The following URI1 variants were observed in gnomAD, a reference collection of about 807,000 sequenced individuals.
URI1 encodes unconventional prefoldin RPB5 interactor 1.
In URI1, 39 loss-of-function variants were observed where a neutral mutation model predicts 60.2. The observed-to-expected ratio is 0.65, with a 90% CI of 0.50 to 0.85. The LOEUF is 0.85. Among genes scored for constraint, URI1 ranks in the 40% least tolerant of loss-of-function variants. The probability of loss-of-function intolerance (pLI) is 0.00; values close to 1 mark genes in which losing one functional copy is unlikely to be tolerated. For missense variants in URI1, 691 were observed against 665.9 expected, an observed-to-expected ratio of 1.04 and a Z score of -0.42; for synonymous variants, 251 against 236.8, an observed-to-expected ratio of 1.06 and a Z score of -0.55.
intron 7 of URI1, among the ~76,000 whole-genome samples, chr19:30,008,731 A>G (rs1354058550): frequency 6.6e-6 from 1 of 152,068 alleles, no homozygotes; most frequent in Non-Finnish European, 1.5e-5. Context: ...TACTATATTT[A>G]TATTGCATAT....
rs372570221 is a variant in URI1 at position 29,986,746 on chromosome 19, A to G, written c.367+329A>G. On this transcript the variant is annotated intron_variant, in intron 4 of 10. Coordinates refer to ENST00000392271, the MANE Select transcript of URI1 (RefSeq NM_003796.3). ...ACCTTATAATTTTTTTTTAGTTGCT[A>G]TTATAGACTTATTTTTGCACTTAAT... is the stretch of plus-strand genomic sequence containing the variant. 7.4e-4 allele frequency among the ~76,000 whole-genome samples: 112 copies of G among 152,270 alleles called. No homozygotes were observed. The South Asian group carries it at 0.021, about 29-fold the overall frequency.
chr19:30,011,368 C>G (rs983411470), intron 9 of URI1, 132 bp downstream of exon 9: 6 of 1,190,240 alleles, frequency 5.0e-6, no homozygotes, highest in Non-Finnish European at 6.6e-6. Flanking sequence ...GAGGAGTTAA[C>G]TTAGGATCTG....
At position 29,958,409 on chromosome 19, in the gene URI1, T is replaced by C. The variant is rs77319809; in HGVS notation, c.118-12784T>C. On this transcript the variant is annotated intron_variant, in intron 1 of 10. Transcript: ENST00000392271. ...TAAGGACATTTTCTCCTGTTGCTAA[T>C]TTTATCATTAATGGATGCTGAATTT... Among the ~76,000 whole-genome samples, 514 of 152,330 alleles carry C rather than the reference T, an allele frequency of 3.4e-3. 5 individuals carry two copies. The highest frequency in any genetic ancestry group is 0.012 in the African/African-American group (499 of 41,572).
chr19:29,937,350 T>G (rs1177968505), upstream of URI1, among the ~76,000 whole-genome samples: 2 of 152,252 alleles, frequency 1.3e-5, no homozygotes, highest in Admixed American at 1.3e-4. Flanking sequence ...GTTTCCAATG[T>G]AAAGGCTTCC....
At chr19:29,997,156 G>A (rs963249119) in intron 4 of URI1, among the ~76,000 whole-genome samples, 3 of 152,046 alleles carry the variant, frequency 2.0e-5, no homozygotes, top group African/African-American at 7.2e-5. Context: ...TTAATTCTTT[G>A]AATGTTTGGT....
chr19:30,014,129 A>G (rs2056056765), intron 10 of URI1: 1 of 152,130 alleles, frequency 6.6e-6, no homozygotes, highest in South Asian at 2.1e-4. Flanking sequence ...GTATAAAACG[A>G]CATGTACAGA....
At chr19:29,962,223 A>G (rs2055334931) in intron 1 of URI1, among the ~76,000 whole-genome samples, 1 of 150,304 alleles carries the variant, frequency 6.7e-6, no homozygotes, top group South Asian at 2.1e-4. Flanking sequence ...GTTCCCCATT[A>G]TAGTTCTAAT....
intron 7 of URI1, among the ~76,000 whole-genome samples, chr19:30,007,853 A>G (rs1362982394): frequency 1.3e-5 from 2 of 152,136 alleles, no homozygotes; most frequent in African/African-American, 2.4e-5. Flanking sequence ...CCATGCATGT[A>G]CATGTACTTA....
chr19:29,999,975 TA>T lies in URI1; in HGVS notation c.368-5385del, dbSNP rs2055857698. On this transcript the variant is annotated intron_variant, in intron 4 of 10. Transcript: ENST00000392271. ...GTGGTTGGCATATCCTGTTTTTGTT[TA>T]CTTCTTTTTTTTTTAATTTTATGTA... is the stretch of plus-strand genomic sequence containing the variant. 6.4e-5 allele frequency among the ~76,000 whole-genome samples: 3 copies of T among 47,016 alleles called. No homozygotes were observed. The South Asian group carries it at 4.3e-3, about 68-fold the overall frequency. 30.8% of individuals were successfully genotyped at this position (47,016 alleles called of 152,430 possible). A position where few individuals can be genotyped will look rare whatever the true frequency, so the allele number is the denominator to read the frequency against.
chr19:29,939,754 A>C (rs2055005375), upstream of URI1, among the ~76,000 whole-genome samples: 1 of 152,212 alleles, frequency 6.6e-6, no homozygotes, highest in Non-Finnish European at 1.5e-5. Context: ...ATATGGGAGA[A>C]ATATTGCAGG....
At chr19:29,933,622 A>T (rs926714626) in intron 1 of URI1, among the ~76,000 whole-genome samples, 2 of 151,976 alleles carry the variant, frequency 1.3e-5, no homozygotes, top group Non-Finnish European at 2.9e-5. Flanking sequence ...GGAGTTCAAG[A>T]TCAGCTTGGG....
At chr19:29,928,148 A>AC (rs2054886229) in intron 1 of URI1, among the ~76,000 whole-genome samples, 1 of 151,992 alleles carries the variant, frequency 6.6e-6, no homozygotes, top group African/African-American at 2.4e-5. Context: ...TTTCAAGATG[A>AC]CCGCAGCTGC....
chr19:30,005,982 C>T (rs1168273295), intron 6 of URI1, among the ~76,000 whole-genome samples: 1 of 152,040 alleles, frequency 6.6e-6, no homozygotes, highest in African/African-American at 2.4e-5. Context: ...CTCTAAAACT[C>T]AGAAGATGTA....
At chr19:29,968,304 C>T (rs1261518557) in intron 1 of URI1, among the ~76,000 whole-genome samples, 4 of 151,952 alleles carry the variant, frequency 2.6e-5, no homozygotes, top group African/African-American at 9.7e-5. Flanking sequence ...TAGTTTTGTT[C>T]TTCCATTGTG....
rs1193529808 is a variant in URI1, at chr19:30,015,761, A to G, written c.*692A>G. The G allele has an allele frequency of 5.0e-6, 3 of 602,958 alleles. No homozygotes were observed. The highest frequency in any genetic ancestry group is 8.6e-6 in the Non-Finnish European group (3 of 348,868). 37.4% of individuals were successfully genotyped at this position (602,958 alleles called of 1,614,324 possible). A position where few individuals can be genotyped will look rare whatever the true frequency, so the allele number is the denominator to read the frequency against. On this transcript the variant is annotated 3_prime_UTR_variant, in exon 11 of 11. Transcript: ENST00000392271. The stretch of plus-strand genomic sequence containing the variant: ...GAGTACAGATATGTCCTTGATTCAT[A>G]TGTATGCTACATGTATCACACAACA...
At chr19:30,000,584 A>G (rs934792373) in intron 4 of URI1, among the ~76,000 whole-genome samples, 1 of 151,958 alleles carries the variant, frequency 6.6e-6, no homozygotes, top group African/African-American at 2.4e-5. Flanking sequence ...AATTTTGGAT[A>G]CATTATTCTG....
At chr19:29,956,361 T>C (rs1441014819) in intron 1 of URI1, 7 of 1,187,708 alleles carry the variant, frequency 5.9e-6, no homozygotes, top group Non-Finnish European at 8.5e-6. Context: ...CACAAGTATG[T>C]CTTAGGAGTC....
At position 29,986,429 on chromosome 19, in the gene URI1, T is replaced by G; in HGVS notation, c.367+12T>G. On this transcript the variant is annotated intron_variant, in intron 4 of 10. Transcript: ENST00000392271. The stretch of plus-strand genomic sequence containing the variant: ...GCACCGGAAAGAACGTAGGTACCCA[T>G]TTTAAATGATGTTTCTTTGTTGTAT... The G allele has an allele frequency of 6.2e-7, 1 of 1,600,104 alleles. No individual in the cohort carries two copies. The highest frequency in any genetic ancestry group is 2.3e-5 in the East Asian group (1 of 44,188).
chr19:29,928,810 C>A (rs2054892143), intron 1 of URI1, among the ~76,000 whole-genome samples: 1 of 152,068 alleles, frequency 6.6e-6, no homozygotes, highest in South Asian at 2.1e-4. Flanking sequence ...AATCGAATGA[C>A]CTATATTTGT....
Sources: allele counts gnomAD v4.1 joint callset (sites outside exome capture counted in the v4.1 genomes callset), GRCh38; gene constraint gnomAD v4.1.1; transcripts MANE v1.5; gene names NCBI Gene and HGNC (gene_info 2026-07-23, HGNC 2026-07-21).